Variants in SLCO5A1 observed in about 807,000 individuals in gnomAD.
SLCO5A1 encodes the protein organic anion transporter polypeptide-related protein 4.
Under a neutral mutation model 65.1 loss-of-function variants are expected in SLCO5A1, and 39 were observed. The ratio of observed to expected loss-of-function variants is 0.60; its 90% confidence interval spans 0.46 to 0.78. The LOEUF (loss-of-function observed/expected upper bound fraction) is 0.78, where lower values mean the gene tolerates loss of function less well. SLCO5A1 is among the 30% of genes least tolerant of loss of function. SLCO5A1 has a pLI of 0.00. For synonymous variants in SLCO5A1, 438 were observed against 415.7 expected (o/e 1.05, Z -0.65); for missense variants, 1,029 against 1,069.4 (o/e 0.96, Z 0.53).
intron 5 of SLCO5A1, among the ~76,000 whole-genome samples, chr8:69,734,771 A>C (rs953972009): frequency 6.6e-6 from 1 of 152,244 alleles, no homozygotes; most frequent in African/African-American, 2.4e-5. Flanking sequence ...TGAACTCAAA[A>C]ACTTTGTCAG....
In SLCO5A1 at chr8:69,733,528, C is replaced by T. The variant is rs80190909; in HGVS notation, c.1423+4512G>A. 2.1e-3 allele frequency among the ~76,000 whole-genome samples: 316 copies of T among 152,274 alleles called. 2 individuals are homozygous for T. The East Asian group carries it at 0.027, about 13-fold the overall frequency. On this transcript the variant is annotated intron_variant, in intron 5 of 9. Coordinates refer to ENST00000260126, the MANE Select transcript of SLCO5A1 (RefSeq NM_030958.3). ...TATAACTGCTCCTTCAGGGTTGATA[C>T]GGTTTGGCCCTGTGTCCCCACTCAA...
At chr8:69,742,734 G>C (rs1239626140) in intron 4 of SLCO5A1, among the ~76,000 whole-genome samples, 1 of 151,646 alleles carries the variant, frequency 6.6e-6, no homozygotes, top group Admixed American at 6.6e-5. Context: ...GTGCACCCAG[G>C]GGCCTCCAAA....
chr8:69,712,813 T>C (rs1175688605), intron 5 of SLCO5A1, among the ~76,000 whole-genome samples: 3 of 152,214 alleles, frequency 2.0e-5, no homozygotes, highest in African/African-American at 4.8e-5. Context: ...TTTGAACTTA[T>C]TATATAAAAT....
chr8:69,707,250 A>G (rs76240544), intron 5 of SLCO5A1, among the ~76,000 whole-genome samples: 10,814 of 152,284 alleles, frequency 0.071, 517 homozygotes, highest in Non-Finnish European at 0.1. Flanking sequence ...AGAATACAAT[A>G]AAATAATTAT....
intron 5 of SLCO5A1, among the ~76,000 whole-genome samples, chr8:69,714,181 C>A (rs546541388): frequency 6.6e-6 from 1 of 152,072 alleles, no homozygotes; most frequent in African/African-American, 2.4e-5. Flanking sequence ...AAACAATGAA[C>A]AAGATGTATC....
At chr8:69,731,303 A>C (rs771899837) in intron 5 of SLCO5A1, among the ~76,000 whole-genome samples, 4 of 152,194 alleles carry the variant, frequency 2.6e-5, no homozygotes, top group Non-Finnish European at 5.9e-5. Flanking sequence ...CCCAGCCAGT[A>C]ATTGCAGTTT....
chr8:69,729,064 A>C (rs772787361), intron 5 of SLCO5A1, among the ~76,000 whole-genome samples: 3 of 152,208 alleles, frequency 2.0e-5, no homozygotes, highest in Non-Finnish European at 2.9e-5. Context: ...GAAACCACAA[A>C]GACTACTGAG....
At chr8:69,714,000 AC>A in intron 5 of SLCO5A1, among the ~76,000 whole-genome samples, 1 of 152,352 alleles carries the variant, frequency 6.6e-6, no homozygotes, top group Non-Finnish European at 1.5e-5. Flanking sequence ...TATTTAAAAA[AC>A]CCAAACCTTG....
At chr8:69,778,217 T>C (rs1475840192) in intron 2 of SLCO5A1, among the ~76,000 whole-genome samples, 1 of 149,384 alleles carries the variant, frequency 6.7e-6, no homozygotes, top group African/African-American at 2.5e-5. Flanking sequence ...CATATTTACA[T>C]ATATGTATGG....
intron 2 of SLCO5A1, among the ~76,000 whole-genome samples, chr8:69,818,123 C>A (rs548484418): frequency 1.3e-5 from 2 of 152,174 alleles, no homozygotes; most frequent in South Asian, 4.1e-4. Context: ...TCATATCACC[C>A]AACTGTGAAA....
intron 2 of SLCO5A1, among the ~76,000 whole-genome samples, chr8:69,780,401 C>A (rs2130881992): frequency 6.6e-6 from 1 of 152,280 alleles, no homozygotes; most frequent in East Asian, 1.9e-4. Flanking sequence ...CGGAATCAAC[C>A]AAAGTGCATA....
intron 9 of SLCO5A1, among the ~76,000 whole-genome samples, chr8:69,675,581 AGC>A (rs980070503): frequency 2.6e-5 from 4 of 152,266 alleles, no homozygotes; most frequent in African/African-American, 9.6e-5. Context: ...GAAAAAAACA[AGC>A]CACTCATTAA....
chr8:69,832,468 T>C lies in SLCO5A1; in HGVS notation c.206A>G (p.His69Arg). 1 of 1,612,978 alleles carries C rather than the reference T, an allele frequency of 6.2e-7. No homozygotes were observed. Among genetic ancestry groups the C allele is most frequent in the Non-Finnish European group, 8.5e-7 (1 of 1,179,606 alleles). Residue 69 changes from histidine (H) to arginine (R), a missense_variant, in exon 2 of 10, where the codon CAC becomes CGC. Physicochemically the swap from His to Arg is conservative, Grantham distance 29. Coordinates refer to ENST00000260126, the MANE Select transcript of SLCO5A1 (RefSeq NM_030958.3). The surrounding 1 kb of genome is among the most constrained non-coding windows in gnomAD (Gnocchi z 4.5). ...PAFGCVDSSG[H>R]QELKQGPNPL... ...GTTCGGGCCTTGCTTCAACTCCTGG[T>C]GGCCCGAAGAATCCACACAGCCAAA...
Position 69,676,605 on chromosome 8 carries a change from G to A in SLCO5A1, c.2089+4C>T, listed in dbSNP as rs748994947. ...GAGGTACACTTGGAAATTCAGGGAC[G>A]TACCAAGTGTTCGCAACAAAACAAA... On this transcript the variant is annotated splice_donor_region_variant and intron_variant, in intron 9 of 9. Coordinates refer to ENST00000260126, the MANE Select transcript of SLCO5A1 (RefSeq NM_030958.3). 12 of 1,611,010 alleles carry A rather than the reference G, an allele frequency of 7.4e-6. No homozygotes were observed. Among genetic ancestry groups the A allele is most frequent in the Middle Eastern group, 1.7e-4 (1 of 6,056 alleles).
intron 2 of SLCO5A1, among the ~76,000 whole-genome samples, chr8:69,829,831 C>T (rs376459916): frequency 6.6e-6 from 1 of 152,192 alleles, no homozygotes; most frequent in African/African-American, 2.4e-5. Context: ...TTAGAAGATG[C>T]TCTGGCAGTG....
intron 3 of SLCO5A1, among the ~76,000 whole-genome samples, chr8:69,760,989 G>C (rs577437342): frequency 6.6e-5 from 10 of 152,214 alleles, no homozygotes; most frequent in Non-Finnish European, 1.0e-4. Context: ...GTGGGAGAGG[G>C]TTGTAAAGCA....
intron 2 of SLCO5A1, among the ~76,000 whole-genome samples, chr8:69,812,549 C>A (rs1345749210): frequency 6.6e-6 from 1 of 152,112 alleles, no homozygotes; most frequent in African/African-American, 2.4e-5. Flanking sequence ...TAAATAAGTG[C>A]CCCACCAGAA....
At chr8:69,720,603 C>G (rs942543390) in intron 5 of SLCO5A1, among the ~76,000 whole-genome samples, 1 of 152,206 alleles carries the variant, frequency 6.6e-6, no homozygotes, top group Non-Finnish European at 1.5e-5. Flanking sequence ...AGGCACAACT[C>G]AAGTTTCAAC....
chr8:69,711,227 C>A (rs1024991534), intron 5 of SLCO5A1, among the ~76,000 whole-genome samples: 8 of 152,118 alleles, frequency 5.3e-5, no homozygotes, highest in African/African-American at 1.9e-4. Context: ...TCTCTGAGCT[C>A]AAATTCACGT....
Sources: gnomAD v4.1 joint callset for allele counts (sites outside exome capture counted in the v4.1 genomes callset) on GRCh38, gnomAD v4.1.1 for gene constraint, Gnocchi (gnomAD v3.1) non-coding constraint, MANE v1.5 for transcripts, NCBI Gene and HGNC (gene_info 2026-07-23, HGNC 2026-07-21) for gene names.